The following GAL variants were observed in gnomAD, a reference collection of about 807,000 sequenced individuals.
GAL encodes galanin peptides.
GAL carries 14 observed loss-of-function variants against 15.8 expected under a neutral mutation model. That is an observed-to-expected ratio of 0.89 (90% CI 0.59 to 1.39). The LOEUF (loss-of-function observed/expected upper bound fraction) is 1.39, where lower values mean the gene tolerates loss of function less well. Among genes scored for constraint, GAL ranks in the 40% most tolerant of loss-of-function variants. The pLI, the probability that GAL is intolerant of heterozygous loss-of-function variation, is 0.00. For synonymous variants in GAL, 79 were observed against 73.8 expected (o/e 1.07, Z -0.36); for missense variants, 176 against 170.4 (o/e 1.03, Z -0.18).
In GAL at chr11:68,684,923, G is replaced by C. The variant is rs763391717; in HGVS notation, c.1-1G>C. ...CCGCCCGCCCTGTCCTTCCCTTCCAGATGGCCCGAGGCAGCGCCCTCCTGC... is the reference window on the plus strand; with the variant it reads ...CCGCCCGCCCTGTCCTTCCCTTCCACATGGCCCGAGGCAGCGCCCTCCTGC... On this transcript the variant is annotated splice_acceptor_variant, in intron 1 of 5. Transcript: ENST00000265643. LOFTEE classifies it low-confidence loss of function (5UTR_SPLICE). 7.9e-5 allele frequency: 127 copies of C among 1,602,960 alleles called. No homozygotes were observed. The highest frequency in any genetic ancestry group is 1.0e-4 in the Non-Finnish European group (122 of 1,173,626).
Position 68,689,041 on chromosome 11 carries a change from C to T in GAL, c.301+115C>T, listed in dbSNP as rs1400541105. ...TGGGAAGTAGCCGATTACTTATCTA[C>T]GTACAAAGTCCTGTTTGGCTGTGTG... is the stretch of plus-strand genomic sequence containing the variant. On this transcript the variant is annotated intron_variant, in intron 5 of 5. Coordinates refer to ENST00000265643, the MANE Select transcript of GAL (RefSeq NM_015973.5). 3.2e-5 allele frequency: 21 copies of T among 654,842 alleles called. No homozygotes were observed. The East Asian group carries it at 5.0e-4, about 16-fold the overall frequency. The allele number at this position is 654,842 out of a possible 1,614,324, so 40.6% of individuals were successfully genotyped here.
intron 4 of GAL, 27 bp downstream of exon 4, chr11:68,688,127 G>A (rs747935256): frequency 5.2e-5 from 74 of 1,433,946 alleles, no homozygotes; most frequent in East Asian, 4.3e-4. Context: ...CCCGGGCCCC[G>A]GGGCACCTCA....
At position 68,691,001 on chromosome 11, in the gene GAL, A is replaced by T; in HGVS notation, c.*14A>T. ...GAGCGGTCCTGAGAGCCTCCTGGGCATGTTTGTCTGTGTGCTGTAACCTGA... is the reference window on the plus strand; with the variant it reads ...GAGCGGTCCTGAGAGCCTCCTGGGCTTGTTTGTCTGTGTGCTGTAACCTGA... On this transcript the variant is annotated 3_prime_UTR_variant, in exon 6 of 6. Coordinates refer to ENST00000265643, the MANE Select transcript of GAL (RefSeq NM_015973.5). The T allele has an allele frequency of 1.3e-6, 2 of 1,556,060 alleles. No individual in the cohort carries two copies. Among genetic ancestry groups the T allele is most frequent in the African/African-American group, 1.3e-5 (1 of 74,124 alleles).
chr11:68,688,827 A>T, intron 4 of GAL, 22 bp from the exon 5 acceptor site: 1 of 1,239,478 alleles, frequency 8.1e-7, no homozygotes, highest in Non-Finnish European at 1.2e-6. Context: ...CAAGTCGTGA[A>T]TGTTGATCTT....
At position 68,684,558 on chromosome 11, in the gene GAL, A is replaced by C. The variant is rs1945829841; in HGVS notation, c.-175A>C. The C allele has an allele frequency of 5.6e-6, 1 of 178,280 alleles. No individual in the cohort carries two copies. 11.0% of individuals were successfully genotyped at this position (178,280 alleles called of 1,614,324 possible). A position where few individuals can be genotyped will look rare whatever the true frequency, so the allele number is the denominator to read the frequency against. ...TGGCGGCGGCCACACCGGGCGGCGG[A>C]CACGTGGAGGGACCCGGCCCGCGCC... On this transcript the variant is annotated 5_prime_UTR_variant, in exon 1 of 6. Transcript: ENST00000265643.
intron 1 of GAL, 24 bp from the exon 2 acceptor site, chr11:68,684,892 TCCGACCCG>T (rs1945834854): frequency 6.9e-7 from 1 of 1,456,930 alleles, no homozygotes; most frequent in South Asian, 1.2e-5. Context: ...CACTCCGGGT[TCCGACCCG>T]CCCGCCCTGT....
chr11:68,688,526 G>C (rs566156379), intron 4 of GAL, among the ~76,000 whole-genome samples: 1 of 152,366 alleles, frequency 6.6e-6, no homozygotes, highest in Non-Finnish European at 1.5e-5. Flanking sequence ...CTACTTGGGA[G>C]GCAGAGGCTC....
chr11:68,686,861 T>G (rs904263255), intron 3 of GAL, among the ~76,000 whole-genome samples: 7 of 152,188 alleles, frequency 4.6e-5, no homozygotes, highest in Non-Finnish European at 1.5e-5. Flanking sequence ...ATGAGAACAT[T>G]TATCTGTGTT....
Position 68,684,689 on chromosome 11 carries a change from C to A in GAL, c.-44C>A, listed in dbSNP as rs893491505. ...CCTGCCGCCCAGACCCGCCACCGCA[C>A]CCGGACCCCGACGCTCCGAACCCGG... On this transcript the variant is annotated 5_prime_UTR_variant, in exon 1 of 6. Transcript: ENST00000265643. 6 of 399,882 alleles carry A rather than the reference C, an allele frequency of 1.5e-5. No homozygotes were observed. The highest frequency in any genetic ancestry group is 2.7e-5 in the Non-Finnish European group (6 of 226,016). 24.8% of individuals were successfully genotyped at this position (399,882 alleles called of 1,614,324 possible). A position where few individuals can be genotyped will look rare whatever the true frequency, so the allele number is the denominator to read the frequency against.
At chr11:68,684,901 C>T (rs771255713) in intron 1 of GAL, 23 bp from the exon 2 acceptor site, 2 of 1,535,478 alleles carry the variant, frequency 1.3e-6, no homozygotes, top group East Asian at 2.3e-5. Context: ...TTCCGACCCG[C>T]CCGCCCTGTC....
At position 68,684,965 on chromosome 11, in the gene GAL, C is replaced by T. The variant is rs1457970164; in HGVS notation, c.42C>T (p.Leu14=). The T allele has an allele frequency of 1.9e-6, 3 of 1,609,538 alleles. No homozygotes were observed. Among genetic ancestry groups the T allele is most frequent in the Admixed American group, 1.7e-5 (1 of 59,814 alleles). Residue 14 remains leucine, a synonymous_variant, in exon 2 of 6, where the codon CTC becomes CTT. Transcript: ENST00000265643. ...CCCTCCTGCTCGCCTCCCTCCTCCT[C>T]GCCGCGGCCCTTTCTGCCTCTGCGG... The part of the protein sequence containing the change: ...GSALLLASLL[L]AAALSASAGL...
At chr11:68,685,148 C>T (rs1945839348) in intron 2 of GAL, 144 bp downstream of exon 2, 14 of 625,078 alleles carry the variant, frequency 2.2e-5, no homozygotes, top group South Asian at 3.7e-5. Flanking sequence ...TGGCTGCGGG[C>T]GTCGCGGGAA....
Position 68,685,244 on chromosome 11 carries a change from T to G in GAL, c.81+240T>G, listed in dbSNP as rs551402777. Reference sequence around the variant, plus strand: ...GCTATAACCAGGCCGCCGGGAGAGCTCTGCGCTTCGGGTCAGCGCCTCGGG... The same window carrying G: ...GCTATAACCAGGCCGCCGGGAGAGCGCTGCGCTTCGGGTCAGCGCCTCGGG... On this transcript the variant is annotated intron_variant, in intron 2 of 5. Coordinates refer to ENST00000265643, the MANE Select transcript of GAL (RefSeq NM_015973.5). 2.4e-4 allele frequency among the ~76,000 whole-genome samples: 37 copies of G among 152,314 alleles called. No individual in the cohort carries two copies. The South Asian group carries it at 7.5e-3, about 31-fold the overall frequency.
In GAL at chr11:68,688,878, A is replaced by G. The variant is rs145825008; in HGVS notation, c.253A>G (p.Asn85Asp). 3,260 of 1,574,282 alleles carry G rather than the reference A, an allele frequency of 2.1e-3. 7 individuals are homozygous for G. Among genetic ancestry groups the G allele is most frequent in the Non-Finnish European group, 2.7e-3 (3,043 of 1,143,660 alleles). ...GSFDRSIPEN[N>D]IMRTIIEFLS... ...CTTTGACAGGTCCATACCTGAAAAC[A>G]ATATCATGCGCACAATCATTGAGTT... The change falls in exon 5 of 6, where the codon AAT becomes GAT. Residue 85 changes from asparagine to aspartate, a missense_variant. Physicochemically the swap from Asn to Asp is conservative, Grantham distance 23. Transcript: ENST00000265643.
At chr11:68,688,236 T>G in intron 4 of GAL, 136 bp downstream of exon 4, 1 of 644,584 alleles carries the variant, frequency 1.6e-6, no homozygotes, top group Non-Finnish European at 2.8e-6. Context: ...TAAGACGATG[T>G]GGCCTCGCCA....
At chr11:68,690,601 T>A (rs1298309772) in intron 5 of GAL, among the ~76,000 whole-genome samples, 3 of 152,156 alleles carry the variant, frequency 2.0e-5, no homozygotes, top group Admixed American at 2.0e-4. Flanking sequence ...TAGATTTTTG[T>A]TTTTCATTTG....
chr11:68,686,916 CT>C (rs1945858852), intron 3 of GAL, among the ~76,000 whole-genome samples: 1 of 152,184 alleles, frequency 6.6e-6, no homozygotes, highest in Admixed American at 6.5e-5. Context: ...AGTTTGACCC[CT>C]AATTAGAAAA....
rs776757641 is a variant in GAL at position 68,688,118 on chromosome 11, C to T, written c.223+18C>T. On this transcript the variant is annotated intron_variant, in intron 4 of 5. Coordinates refer to ENST00000265643, the MANE Select transcript of GAL (RefSeq NM_015973.5). ...GAAACCAGGTGAGAGGACTCCTATCCCGGGCCCCGGGGCACCTCACTTCCA... is the reference window on the plus strand; with the variant it reads ...GAAACCAGGTGAGAGGACTCCTATCTCGGGCCCCGGGGCACCTCACTTCCA... 140 of 1,524,862 alleles carry T rather than the reference C, an allele frequency of 9.2e-5. No homozygotes were observed. Among genetic ancestry groups the T allele is most frequent in the Non-Finnish European group, 1.2e-4 (129 of 1,099,210 alleles). The allele number at this position is 1,524,862 out of a possible 1,614,324, so 94.5% of individuals were successfully genotyped here. A position where few individuals can be genotyped will look rare whatever the true frequency, so the allele number is the denominator to read the frequency against.
At chr11:68,686,578 G>C (rs777274519) in intron 3 of GAL, among the ~76,000 whole-genome samples, 3 of 152,168 alleles carry the variant, frequency 2.0e-5, no homozygotes, top group Non-Finnish European at 4.4e-5. Context: ...CTTGTTTATC[G>C]GGGTCACTCA....
Sources: allele counts gnomAD v4.1 joint callset (sites outside exome capture counted in the v4.1 genomes callset), GRCh38; gene constraint gnomAD v4.1.1; transcripts MANE v1.5; gene names NCBI Gene and HGNC (gene_info 2026-07-23, HGNC 2026-07-21).